FAM228B: variants seen among roughly 807,000 people sequenced by gnomAD.
FAM228B encodes family with sequence similarity 228 member B, also known as protein FAM228B.
In FAM228B, 38 loss-of-function variants were observed where a neutral mutation model predicts 42.6. The observed-to-expected ratio is 0.89, with a 90% CI of 0.69 to 1.17. The LOEUF is 1.17. Ranked by LOEUF, FAM228B falls within the 50% of genes most tolerant of loss-of-function variation. The pLI is 0.00. For missense variants in FAM228B, 344 were observed against 367.3 expected (o/e 0.94, Z 0.52); for synonymous variants, 109 against 122.3 (o/e 0.89, Z 0.72).
At chr2:24,093,859 T>C (rs1387803087) in intron 2 of FAM228B, among the ~76,000 whole-genome samples, 2 of 151,966 alleles carry the variant, frequency 1.3e-5, no homozygotes, top group Non-Finnish European at 2.9e-5. Context: ...CCTTGTGATC[T>C]GCCCACCTCA....
At chr2:24,097,419 G>A (rs1665520009) in intron 3 of FAM228B, 1 of 130,804 alleles carries the variant, frequency 7.6e-6, no homozygotes, top group Non-Finnish European at 1.6e-5. Flanking sequence ...AAAATAAAGG[G>A]ATGGAGGAAG....
At chr2:24,164,736 A>G (rs564312699) in intron 9 of FAM228B, among the ~76,000 whole-genome samples, 1 of 152,324 alleles carries the variant, frequency 6.6e-6, no homozygotes, top group East Asian at 1.9e-4. Context: ...GTTAACCTTA[A>G]GGCAGTCAAG....
rs36070271 is a variant in FAM228B, at chr2:24,079,052, G to A, written c.-289-1824G>A. 1,132 of 173,232 alleles carry A rather than the reference G, an allele frequency of 6.5e-3. 9 individuals are homozygous for A. Among genetic ancestry groups the A allele is most frequent in the African/African-American group, 0.026 (1,087 of 42,002 alleles). The allele number at this position is 173,232 out of a possible 1,614,324, so 10.7% of individuals were successfully genotyped here. Reference sequence around the variant, plus strand: ...AGCAAGTGCCACTGTGCCCGGCATGGAACCTATAATCTGTTGAAGGCCAAG... The same window carrying A: ...AGCAAGTGCCACTGTGCCCGGCATGAAACCTATAATCTGTTGAAGGCCAAG... On this transcript the variant is annotated intron_variant, in intron 1 of 10. Transcript: ENST00000613899.
chr2:24,122,776 T>C, upstream of FAM228B: 2 of 363,746 alleles, frequency 5.5e-6, no homozygotes, highest in Non-Finnish European at 9.8e-6. Context: ...GAAGCTGAGT[T>C]TGGAAAATCA....
intron 7 of FAM228B, among the ~76,000 whole-genome samples, chr2:24,160,749 C>G (rs1397457470): frequency 6.6e-6 from 1 of 152,144 alleles, no homozygotes; most frequent in East Asian, 1.9e-4. Context: ...CTACGCAGGG[C>G]CAATATCACC....
At chr2:24,111,635 T>C (rs897126668) in intron 3 of FAM228B, among the ~76,000 whole-genome samples, 7 of 152,186 alleles carry the variant, frequency 4.6e-5, no homozygotes, top group Non-Finnish European at 8.8e-5. Context: ...CTTTATATTG[T>C]ACATCTCTGG....
chr2:24,087,777 A>ATTTT (rs34256592), intron 2 of FAM228B, among the ~76,000 whole-genome samples: 1 of 128,218 alleles, frequency 7.8e-6, no homozygotes, highest in Non-Finnish European at 1.7e-5. Context: ...CACCAGGGTA[A>ATTTT]TTTTTTTTTT....
intron 2 of FAM228B, among the ~76,000 whole-genome samples, chr2:24,083,564 C>A (rs1361519936): frequency 6.6e-6 from 1 of 152,286 alleles, no homozygotes; most frequent in East Asian, 1.9e-4. Context: ...TGTGGCAGAA[C>A]CACCTGAGGA....
upstream of FAM228B, chr2:24,122,576 T>C: frequency 2.9e-6 from 4 of 1,371,978 alleles, no homozygotes; most frequent in East Asian, 2.3e-5. Context: ...TTGAAGCCAT[T>C]GACTCTGGCT....
chr2:24,101,514 T>G (rs892806402), intron 3 of FAM228B, among the ~76,000 whole-genome samples: 5 of 152,120 alleles, frequency 3.3e-5, no homozygotes, highest in Non-Finnish European at 7.3e-5. Flanking sequence ...CAATATGTAT[T>G]ATTTTAAATA....
At chr2:24,099,506 C>T (rs1459271828) in intron 3 of FAM228B, among the ~76,000 whole-genome samples, 2 of 152,174 alleles carry the variant, frequency 1.3e-5, no homozygotes, top group African/African-American at 2.4e-5. Flanking sequence ...TATGAGTGAA[C>T]TCCCAGTCAC....
intron 5 of FAM228B, among the ~76,000 whole-genome samples, chr2:24,140,360 A>G (rs1216665405): frequency 1.3e-5 from 2 of 152,096 alleles, no homozygotes; most frequent in African/African-American, 4.8e-5. Context: ...TATTTTTAGT[A>G]GAGATGAGGT....
chr2:24,144,774 G>A (rs1241663069), intron 5 of FAM228B, among the ~76,000 whole-genome samples: 1 of 152,084 alleles, frequency 6.6e-6, no homozygotes, highest in Non-Finnish European at 1.5e-5. Context: ...CTCCCTAACT[G>A]CCTCCCTATG....
intron 5 of FAM228B, among the ~76,000 whole-genome samples, chr2:24,141,371 G>A (rs564943890): frequency 6.6e-6 from 1 of 152,216 alleles, no homozygotes; most frequent in South Asian, 2.1e-4. Context: ...AGCCTCCTGA[G>A]TAGCTGGGAC....
rs562241377 is a variant in FAM228B at position 24,144,479 on chromosome 2, G to A, written c.442-2269G>A. Among the ~76,000 whole-genome samples, 158 of 152,280 alleles carry A rather than the reference G, an allele frequency of 1.0e-3. 1 individual carries two copies. The Middle Eastern group carries it at 0.014, about 13-fold the overall frequency. On this transcript the variant is annotated intron_variant, in intron 5 of 10. Coordinates refer to ENST00000615575, the MANE Select transcript of FAM228B (RefSeq NM_001145710.2). The stretch of plus-strand genomic sequence containing the variant: ...TCTGACATTTACCTCCTCCACAGAA[G>A]AACCAAAATAGCGAGTAGAAAATTG...
intron 2 of FAM228B, among the ~76,000 whole-genome samples, chr2:24,082,181 A>G (rs1015452173): frequency 6.6e-6 from 1 of 152,130 alleles, no homozygotes; most frequent in Non-Finnish European, 1.5e-5. Context: ...TTTTTTGTAG[A>G]AACAGGGTTT....
intron 5 of FAM228B, among the ~76,000 whole-genome samples, chr2:24,141,330 G>A (rs1026193175): frequency 1.3e-5 from 2 of 152,086 alleles, no homozygotes; most frequent in Admixed American, 6.5e-5. Flanking sequence ...TGCAACCTCC[G>A]CCTCCCAGGT....
chr2:24,149,442 A>T (rs1335034981), intron 7 of FAM228B, among the ~76,000 whole-genome samples: 2 of 151,992 alleles, frequency 1.3e-5, no homozygotes, highest in African/African-American at 4.8e-5. Context: ...ATGATAACTC[A>T]TTGTAGTTTT....
chr2:24,080,021 T>C lies in FAM228B; in HGVS notation c.-289-855T>C, dbSNP rs138076529. ...TGTCCGCACTAGGTTATTGGAATCA[T>C]AGGCTTTCTAGCTTTGGTTTCATCT... On this transcript the variant is annotated intron_variant, in intron 1 of 10. Transcript: ENST00000613899. The surrounding 1 kb of genome is among the most constrained non-coding windows in gnomAD (Gnocchi z 4.7). 2.6e-5 allele frequency among the ~76,000 whole-genome samples: 4 copies of C among 152,298 alleles called. No individual in the cohort carries two copies. Among genetic ancestry groups the C allele is most frequent in the Non-Finnish European group, 5.9e-5 (4 of 68,014 alleles).
Sources: gnomAD v4.1 joint callset for allele counts (sites outside exome capture counted in the v4.1 genomes callset) on GRCh38, gnomAD v4.1.1 for gene constraint, Gnocchi (gnomAD v3.1) non-coding constraint, MANE v1.5 for transcripts, NCBI Gene and HGNC (gene_info 2026-07-23, HGNC 2026-07-21) for gene names.